ADCY2: variants seen among roughly 807,000 people sequenced by gnomAD.
The protein encoded by ADCY2 is adenylate cyclase 2.
In ADCY2, 31 loss-of-function variants were observed where a neutral mutation model predicts 125.2. The ratio of observed to expected loss-of-function variants is 0.25; its 90% confidence interval spans 0.19 to 0.33. The LOEUF is 0.33. Among genes scored for constraint, ADCY2 ranks in the 10% least tolerant of loss-of-function variants. ADCY2 has a pLI of 1.00. For synonymous variants in ADCY2, 512 were observed against 548.4 expected (o/e 0.93, Z 0.93); for missense variants, 904 against 1,418.2 (o/e 0.64, Z 5.82).
At chr5:7,586,470 C>T (rs1325876828) in intron 3 of ADCY2, among the ~76,000 whole-genome samples, 3 of 152,148 alleles carry the variant, frequency 2.0e-5, no homozygotes, top group Non-Finnish European at 4.4e-5. Flanking sequence ...AGGCCTATGT[C>T]GACACCAAAC....
At chr5:7,451,072 T>G (rs1042288445) in intron 2 of ADCY2, among the ~76,000 whole-genome samples, 7 of 152,242 alleles carry the variant, frequency 4.6e-5, no homozygotes, top group East Asian at 1.9e-4. Flanking sequence ...ACCATTTTCA[T>G]GCCAGCAAAC....
At chr5:7,530,772 C>T (rs1179962011) in intron 3 of ADCY2, among the ~76,000 whole-genome samples, 1 of 152,102 alleles carries the variant, frequency 6.6e-6, no homozygotes, top group Non-Finnish European at 1.5e-5. Flanking sequence ...GCCTTGTCTT[C>T]TATTCTCCCT....
intron 17 of ADCY2, among the ~76,000 whole-genome samples, chr5:7,771,513 C>G (rs1286800077): frequency 2.6e-5 from 4 of 152,192 alleles, no homozygotes; most frequent in Non-Finnish European, 4.4e-5. Flanking sequence ...TGTTGGTCTT[C>G]CTTTTGAAGC....
At chr5:7,763,462 A>G (rs1743297117) in intron 16 of ADCY2, among the ~76,000 whole-genome samples, 1 of 152,204 alleles carries the variant, frequency 6.6e-6, no homozygotes, top group Non-Finnish European at 1.5e-5. Flanking sequence ...TAAACATACA[A>G]TTTAGTAACA....
At chr5:7,682,359 C>T (rs1162731517) in intron 4 of ADCY2, among the ~76,000 whole-genome samples, 4 of 152,094 alleles carry the variant, frequency 2.6e-5, no homozygotes, top group African/African-American at 4.8e-5. Flanking sequence ...GTTTATAGAC[C>T]CCCTTTAAGG....
At chr5:7,816,453 C>A (rs1156608640) in intron 22 of ADCY2, among the ~76,000 whole-genome samples, 1 of 152,226 alleles carries the variant, frequency 6.6e-6, no homozygotes, top group Non-Finnish European at 1.5e-5. Flanking sequence ...GGAGCGGGCA[C>A]CCCCTAGCGG....
At chr5:7,722,007 T>A (rs552438679) in intron 12 of ADCY2, among the ~76,000 whole-genome samples, 2 of 152,158 alleles carry the variant, frequency 1.3e-5, no homozygotes, top group African/African-American at 4.8e-5. Flanking sequence ...TGATTAAGTG[T>A]GTAGGAAGAA....
chr5:7,776,925 C>T (rs1241931774), intron 18 of ADCY2, among the ~76,000 whole-genome samples: 1 of 152,098 alleles, frequency 6.6e-6, no homozygotes, highest in Non-Finnish European at 1.5e-5. Flanking sequence ...CTGTTGGTTT[C>T]CCTGGTTTTG....
chr5:7,421,657 G>A (rs1740208897), intron 2 of ADCY2, among the ~76,000 whole-genome samples: 1 of 152,164 alleles, frequency 6.6e-6, no homozygotes, highest in Admixed American at 6.5e-5. Flanking sequence ...TCCCTAAGTG[G>A]GTGCTCTCTG....
intron 2 of ADCY2, 55 bp from the exon 3 acceptor site, chr5:7,520,683 C>G: frequency 6.3e-7 from 1 of 1,596,458 alleles, no homozygotes; most frequent in Non-Finnish European, 8.6e-7. Flanking sequence ...AAACAGGAGG[C>G]TCTTAGAAAC....
chr5:7,656,243 G>A (rs1206157725), intron 4 of ADCY2, among the ~76,000 whole-genome samples: 1 of 151,930 alleles, frequency 6.6e-6, no homozygotes, highest in African/African-American at 2.4e-5. Flanking sequence ...TAGTGGAGAC[G>A]GGGTTTCACC....
chr5:7,747,961 T>A (rs1348297222), intron 15 of ADCY2, among the ~76,000 whole-genome samples: 3 of 152,204 alleles, frequency 2.0e-5, no homozygotes, highest in Non-Finnish European at 4.4e-5. Flanking sequence ...TCACCCCAAC[T>A]GGACTCCTTC....
intron 3 of ADCY2, among the ~76,000 whole-genome samples, chr5:7,555,079 A>C (rs1387534890): frequency 6.6e-6 from 1 of 152,214 alleles, no homozygotes; most frequent in Non-Finnish European, 1.5e-5. Flanking sequence ...GTGTGCACTG[A>C]ATTCATCAAT....
chr5:7,589,762 G>T (rs577343923), intron 3 of ADCY2, among the ~76,000 whole-genome samples: 2 of 152,124 alleles, frequency 1.3e-5, no homozygotes, highest in African/African-American at 4.8e-5. Flanking sequence ...GAGATGGGCT[G>T]TTGGGGGTAA....
chr5:7,537,353 A>G (rs569763631), intron 3 of ADCY2, among the ~76,000 whole-genome samples: 20 of 152,178 alleles, frequency 1.3e-4, no homozygotes, highest in Non-Finnish European at 2.6e-4. Context: ...TCAGTGTCCC[A>G]TAAGCTTTCA....
intron 3 of ADCY2, among the ~76,000 whole-genome samples, chr5:7,601,424 A>T (rs539919603): frequency 6.6e-6 from 1 of 152,334 alleles, no homozygotes. Context: ...GACATTTGAA[A>T]TATCTGGCAC....
intron 14 of ADCY2, among the ~76,000 whole-genome samples, chr5:7,733,672 T>G (rs1742169967): frequency 6.6e-6 from 1 of 152,144 alleles, no homozygotes; most frequent in Admixed American, 6.5e-5. Context: ...AGATACAGTC[T>G]GAAAAACCCA....
At chr5:7,629,921 C>G (rs970511311) in intron 4 of ADCY2, among the ~76,000 whole-genome samples, 4 of 152,146 alleles carry the variant, frequency 2.6e-5, no homozygotes, top group Non-Finnish European at 5.9e-5. Flanking sequence ...GGAGTAAAAG[C>G]CAGGTTTGCT....
intron 2 of ADCY2, among the ~76,000 whole-genome samples, chr5:7,509,424 C>T (rs1001236340): frequency 4.6e-5 from 7 of 152,168 alleles, no homozygotes; most frequent in Admixed American, 6.5e-5. Context: ...GACAGTCAGC[C>T]GTCTGTATTC....
Sources: gnomAD v4.1 joint callset for allele counts (sites outside exome capture counted in the v4.1 genomes callset) on GRCh38, gnomAD v4.1.1 for gene constraint, MANE v1.5 for transcripts, NCBI Gene and HGNC (gene_info 2026-07-23, HGNC 2026-07-21) for gene names.